Variants in SLC9A7 observed in about 807,000 individuals in gnomAD.
SLC9A7 encodes sodium/hydrogen exchanger 7.
Under a neutral mutation model 52.6 loss-of-function variants are expected in SLC9A7, and 19 were observed. That is an observed-to-expected ratio of 0.36 (90% CI 0.25 to 0.53). The LOEUF (loss-of-function observed/expected upper bound fraction) is 0.53, where lower values mean the gene tolerates loss of function less well. Ranked by LOEUF, SLC9A7 falls within the 20% of genes least tolerant of loss-of-function variation. The pLI, the probability that SLC9A7 is intolerant of heterozygous loss-of-function variation, is 0.91. For synonymous variants in SLC9A7, 226 were observed against 252.1 expected (o/e 0.90, Z 0.98); for missense variants, 455 against 597.9 (o/e 0.76, Z 2.49).
Position 46,607,125 on chromosome X carries a change from T to G in SLC9A7, c.2008A>C (p.Thr670Pro). The G allele has an allele frequency of 8.3e-7, 1 of 1,211,596 alleles. No homozygotes were observed. Among genetic ancestry groups the G allele is most frequent in the Non-Finnish European group, 1.1e-6 (1 of 895,385 alleles). Residue 670 changes from threonine (T) to proline (P), a missense_variant, in exon 17 of 17, where the codon ACA (threonine) becomes CCA (proline). By Grantham distance (38) the Thr-to-Pro change is conservative. Around this residue, in one of 3 missense-constraint regions of SLC9A7, gnomAD observed 146 missense variants for 160.5 expected, o/e 0.91. Coordinates refer to ENST00000616978, the MANE Select transcript of SLC9A7 (RefSeq NM_001257291.2). ...GDLTLTYGDS[T>P]VTANGSSSSH... ...CTTGAGGAGCCATTTGCAGTCACTG[T>G]GCTGTCCCCGTAGGTCAATGTCAGG... is the stretch of plus-strand genomic sequence containing the variant.
At chrX:46,635,357 C>T (rs190570866) in intron 13 of SLC9A7, among the ~76,000 whole-genome samples, 1 of 111,515 alleles carries the variant, frequency 9.0e-6, no homozygotes, top group East Asian at 2.8e-4. Context: ...CAATACATTG[C>T]CTAAATGTGG....
chrX:46,680,974 G>A (rs1212157419), intron 2 of SLC9A7, among the ~76,000 whole-genome samples: 1 of 112,077 alleles, frequency 8.9e-6, no homozygotes, highest in Non-Finnish European at 1.9e-5. Flanking sequence ...TGGGCCCAAA[G>A]GCAGTGAAAA....
intron 5 of SLC9A7, among the ~76,000 whole-genome samples, chrX:46,662,960 C>T (rs985015622): frequency 8.9e-6 from 1 of 112,709 alleles, no homozygotes; most frequent in African/African-American, 3.2e-5. Context: ...GATTTGGCTT[C>T]ACCAGTGGGT....
At chrX:46,714,786 C>T (rs747926317) in intron 1 of SLC9A7, among the ~76,000 whole-genome samples, 4 of 111,467 alleles carry the variant, frequency 3.6e-5, no homozygotes, top group East Asian at 2.8e-4. Context: ...TGTTAGAATA[C>T]GGTAGGTGCT....
At chrX:46,738,092 AAAGAAAGAAAGAAAGAG>A (rs745597013) in intron 1 of SLC9A7, among the ~76,000 whole-genome samples, 9,937 of 81,818 alleles carry the variant, frequency 0.12, 772 homozygotes, top group Non-Finnish European at 0.19. Context: ...AGAAAGAAAG[AAAGAAAGAAAGAAAGAG>A]AAAAGAAAAG....
At chrX:46,723,418 A>G (rs894793916) in intron 1 of SLC9A7, among the ~76,000 whole-genome samples, 2 of 109,848 alleles carry the variant, frequency 1.8e-5, no homozygotes, top group African/African-American at 6.6e-5. Context: ...ATGCACACTC[A>G]TTGTTCAGAC....
intron 14 of SLC9A7, among the ~76,000 whole-genome samples, chrX:46,626,199 T>C (rs1569503276): frequency 8.9e-6 from 1 of 112,547 alleles, no homozygotes; most frequent in Non-Finnish European, 1.9e-5. Flanking sequence ...TTTGTGGTAA[T>C]TTGTTACAGC....
chrX:46,694,405 T>C (rs954335369), intron 1 of SLC9A7, among the ~76,000 whole-genome samples: 6 of 111,724 alleles, frequency 5.4e-5, no homozygotes, highest in African/African-American at 2.0e-4. Flanking sequence ...CATAATAAGA[T>C]AATTCAATTT....
intron 13 of SLC9A7, among the ~76,000 whole-genome samples, chrX:46,633,871 C>T (rs1284669329): frequency 1.8e-5 from 2 of 110,694 alleles, no homozygotes; most frequent in Non-Finnish European, 3.8e-5. Flanking sequence ...GGTGTTTCAC[C>T]ATGTTGGCCA....
At chrX:46,731,440 ATTAAAATT>A (rs1292209884) in intron 1 of SLC9A7, among the ~76,000 whole-genome samples, 2 of 91,939 alleles carry the variant, frequency 2.2e-5, no homozygotes, top group East Asian at 3.4e-4. Context: ...ATTAAAAAAA[ATTAAAATT>A]AAAATTAGCC....
At chrX:46,725,648 T>G in intron 1 of SLC9A7, 1 of 1,168,448 alleles carries the variant, frequency 8.6e-7, no homozygotes, top group Admixed American at 2.2e-5. Flanking sequence ...CCATACTCTT[T>G]GCAGGACCCT....
intron 1 of SLC9A7, among the ~76,000 whole-genome samples, chrX:46,702,495 C>G (rs757639091): frequency 1.4e-4 from 16 of 111,362 alleles, no homozygotes; most frequent in Non-Finnish European, 2.6e-4. Flanking sequence ...TCCATGTGTA[C>G]TAATGTTTAG....
intron 7 of SLC9A7, among the ~76,000 whole-genome samples, chrX:46,655,364 A>G (rs369020579): frequency 0.011 from 1,186 of 112,150 alleles, 12 homozygotes; most frequent in South Asian, 0.041. Context: ...GATTGGGGGA[A>G]GAGCCAAGAT....
At chrX:46,713,373 C>T (rs1177009072) in intron 1 of SLC9A7, among the ~76,000 whole-genome samples, 2 of 108,660 alleles carry the variant, frequency 1.8e-5, no homozygotes, top group Admixed American at 9.9e-5. Context: ...TGGTGGCGGG[C>T]GCCTGTAATC....
At chrX:46,751,617 G>A (rs1193324824) in intron 1 of SLC9A7, among the ~76,000 whole-genome samples, 2 of 110,891 alleles carry the variant, frequency 1.8e-5, no homozygotes, top group Non-Finnish European at 3.8e-5. Context: ...AAATCAGCCT[G>A]GGCAACATGG....
intron 1 of SLC9A7, among the ~76,000 whole-genome samples, chrX:46,750,502 A>T (rs1242163355): frequency 1.8e-5 from 2 of 111,412 alleles, no homozygotes; most frequent in Non-Finnish European, 3.8e-5. Flanking sequence ...GGGACATGCC[A>T]CCATGCCCAG....
chrX:46,662,716 A>T (rs1005326718), intron 5 of SLC9A7, 73 bp from the exon 6 acceptor site: 20 of 756,450 alleles, frequency 2.6e-5, no homozygotes, highest in Non-Finnish European at 4.0e-5. Flanking sequence ...AGATTTATAG[A>T]GGCAATTCCT....
At chrX:46,655,841 C>G (rs973785907) in intron 7 of SLC9A7, among the ~76,000 whole-genome samples, 6 of 112,603 alleles carry the variant, frequency 5.3e-5, no homozygotes, top group Admixed American at 1.9e-4. Flanking sequence ...ACAAAGCAGC[C>G]GGGAAGCTCG....
chrX:46,668,624 T>C (rs1015776367), intron 5 of SLC9A7, among the ~76,000 whole-genome samples: 2 of 112,191 alleles, frequency 1.8e-5, no homozygotes, highest in African/African-American at 6.5e-5. Context: ...TTGAGGACAT[T>C]ATGCTAAGTG....
Sources: allele counts gnomAD v4.1 joint callset (sites outside exome capture counted in the v4.1 genomes callset), GRCh38; gene constraint gnomAD v4.1.1; regional missense constraint gnomAD v4.1.1; transcripts MANE v1.5; gene names NCBI Gene and HGNC (gene_info 2026-07-23, HGNC 2026-07-21).